Variants in NRXN3 observed in about 807,000 individuals in gnomAD.
NRXN3 encodes neurexin III.
NRXN3 carries 32 observed loss-of-function variants against 137.6 expected under a neutral mutation model. The ratio of observed to expected loss-of-function variants is 0.23; its 90% CI spans 0.18 to 0.31. NRXN3 has a LOEUF of 0.31. Among genes scored for constraint, NRXN3 ranks in the 10% least tolerant of loss-of-function variants. The pLI, the probability that NRXN3 is intolerant of heterozygous loss-of-function variation, is 1.00. For missense variants in NRXN3, 1,574 were observed against 2,062.5 expected (o/e 0.76, Z 4.59); for synonymous variants, 798 against 784.5 (o/e 1.02, Z -0.29).
At chr14:79,007,468 T>A (rs370354164) in intron 15 of NRXN3, among the ~76,000 whole-genome samples, 14,569 of 146,158 alleles carry the variant, frequency 0.1, 1,083 homozygotes, top group Admixed American at 0.28. Context: ...TTTTTTTTTT[T>A]AAAGGCAATA....
At chr14:78,748,762 A>G (rs1328409701) in intron 8 of NRXN3, among the ~76,000 whole-genome samples, 1 of 152,214 alleles carries the variant, frequency 6.6e-6, no homozygotes, top group Non-Finnish European at 1.5e-5. Flanking sequence ...TGCACTGTTC[A>G]TAGGAGATTT....
intron 4 of NRXN3, among the ~76,000 whole-genome samples, chr14:78,605,095 A>AT (rs879773335): frequency 5.3e-5 from 8 of 151,948 alleles, no homozygotes; most frequent in African/African-American, 7.2e-5. Context: ...AAGGATTTCG[A>AT]TTTTTTTTCC....
At chr14:79,597,252 G>A (rs72690788) in intron 16 of NRXN3, among the ~76,000 whole-genome samples, 1 of 152,134 alleles carries the variant, frequency 6.6e-6, no homozygotes, top group Non-Finnish European at 1.5e-5. Flanking sequence ...TTATTTTTCA[G>A]CCTTCTCAGA....
rs142682337 is a variant in NRXN3, at chr14:79,640,465, C to T, written c.3445-23313C>T. On this transcript the variant is annotated intron_variant, in intron 16 of 20. Coordinates refer to ENST00000335750, the MANE Select transcript of NRXN3 (RefSeq NM_001330195.2). ...CCACTACCAAGAAACACTTTTTGCA[C>T]CATGATGTGCAAACCATGTATTTCT... Among the ~76,000 whole-genome samples the T allele has an allele frequency of 2.6e-3, 359 of 135,548 alleles. 85 individuals carry two copies. Among genetic ancestry groups the T allele is most frequent in the Admixed American group, 7.8e-3 (100 of 12,886 alleles). 88.9% of individuals were successfully genotyped at this position (135,548 alleles called of 152,430 possible). A position where few individuals can be genotyped will look rare whatever the true frequency, so the allele number is the denominator to read the frequency against.
intron 4 of NRXN3, among the ~76,000 whole-genome samples, chr14:78,618,119 CAT>C (rs1467312947): frequency 6.6e-6 from 1 of 152,054 alleles, no homozygotes; most frequent in East Asian, 1.9e-4. Flanking sequence ...TTAGTGTTAA[CAT>C]GTGTCTGGCT....
At chr14:79,630,402 T>C (rs911690878) in intron 16 of NRXN3, among the ~76,000 whole-genome samples, 1 of 152,234 alleles carries the variant, frequency 6.6e-6, no homozygotes, top group Admixed American at 6.5e-5. Context: ...GAGAAAACAT[T>C]CCTTCAAGAG....
At chr14:78,552,916 T>A (rs2096706348) in intron 4 of NRXN3, among the ~76,000 whole-genome samples, 1 of 152,180 alleles carries the variant, frequency 6.6e-6, no homozygotes, top group Admixed American at 6.5e-5. Context: ...ATATCCTAAG[T>A]ATACTGATTT....
At chr14:78,790,165 A>G (rs1052067195) in intron 8 of NRXN3, among the ~76,000 whole-genome samples, 3 of 151,974 alleles carry the variant, frequency 2.0e-5, no homozygotes, top group Non-Finnish European at 2.9e-5. Context: ...GTCTCTATAA[A>G]CTTTTTGGTA....
rs556062579 is a variant in NRXN3 at position 79,672,667 on chromosome 14, T to C, written c.3616+8718T>C. 2.0e-5 allele frequency among the ~76,000 whole-genome samples: 3 copies of C among 152,220 alleles called. No individual in the cohort carries two copies. The East Asian group carries it at 5.8e-4, about 30-fold the overall frequency. On this transcript the variant is annotated intron_variant, in intron 17 of 20. Coordinates refer to ENST00000335750, the MANE Select transcript of NRXN3 (RefSeq NM_001330195.2). ...TGGAAGCTCTAGTTTAAGTAGTTAA[T>C]ACAAATTCTGGCCTGCAGAAGTTGT...
intron 4 of NRXN3, among the ~76,000 whole-genome samples, chr14:78,369,410 C>T (rs913385564): frequency 2.5e-4 from 38 of 152,240 alleles, no homozygotes; most frequent in African/African-American, 8.4e-4. Flanking sequence ...CCAAGTGCCT[C>T]GTGTCCAATT....
intron 15 of NRXN3, among the ~76,000 whole-genome samples, chr14:79,342,539 T>C (rs375779095): frequency 1.3e-5 from 2 of 152,216 alleles, no homozygotes; most frequent in African/African-American, 4.8e-5. Context: ...GAGGACCTAC[T>C]TATTGTTTGT....
chr14:78,913,279 T>C (rs1359770150), intron 10 of NRXN3, among the ~76,000 whole-genome samples: 67 of 124,458 alleles, frequency 5.4e-4, no homozygotes, highest in South Asian at 2.2e-3. Flanking sequence ...TCTTTCTTTT[T>C]TTTTTTTTTT....
intron 15 of NRXN3, among the ~76,000 whole-genome samples, chr14:79,244,606 A>G (rs887323385): frequency 7.9e-5 from 12 of 152,128 alleles, no homozygotes; most frequent in Admixed American, 7.9e-4. Flanking sequence ...AGCAAGTTGG[A>G]CTAATTCTTA....
At chr14:79,714,895 G>GTGTT (rs1266037900) in intron 19 of NRXN3, among the ~76,000 whole-genome samples, 1 of 152,156 alleles carries the variant, frequency 6.6e-6, no homozygotes, top group Non-Finnish European at 1.5e-5. Context: ...AAAGGCGATT[G>GTGTT]TGTTAGAGAA....
At chr14:79,496,256 G>GAC (rs72461338) in intron 16 of NRXN3, among the ~76,000 whole-genome samples, 3,210 of 140,256 alleles carry the variant, frequency 0.023, 122 homozygotes, top group East Asian at 0.13. Flanking sequence ...CACACACACA[G>GAC]ACACACACAC....
chr14:79,697,573 A>G, intron 18 of NRXN3, 57 bp from the exon 19 acceptor site: 1 of 1,557,718 alleles, frequency 6.4e-7, no homozygotes, highest in Non-Finnish European at 8.7e-7. Flanking sequence ...CAGACCAGGT[A>G]AGGCAAACAA....
chr14:78,444,516 T>C (rs2094355938), intron 4 of NRXN3, among the ~76,000 whole-genome samples: 1 of 152,166 alleles, frequency 6.6e-6, no homozygotes, highest in Non-Finnish European at 1.5e-5. Context: ...TCCCAGTCAT[T>C]CAGCTCTCAG....
At chr14:79,002,679 A>C (rs1437039007) in intron 15 of NRXN3, among the ~76,000 whole-genome samples, 1 of 152,156 alleles carries the variant, frequency 6.6e-6, no homozygotes, top group African/African-American at 2.4e-5. Context: ...CAATGAACAT[A>C]CGCATGCATG....
At chr14:78,251,178 A>G (rs2068566029) in intron 2 of NRXN3, among the ~76,000 whole-genome samples, 1 of 152,156 alleles carries the variant, frequency 6.6e-6, no homozygotes, top group Admixed American at 6.5e-5. Flanking sequence ...GGCAATGCCC[A>G]TTACCTCACT....
Sources: gnomAD v4.1 joint callset for allele counts (sites outside exome capture counted in the v4.1 genomes callset) on GRCh38, gnomAD v4.1.1 for gene constraint, MANE v1.5 for transcripts, NCBI Gene and HGNC (gene_info 2026-07-23, HGNC 2026-07-21) for gene names.